The following SMOC1 variants were observed in gnomAD, a reference collection of about 807,000 sequenced individuals.
SMOC1 encodes the protein SPARC-related modular calcium-binding protein 1.
A neutral mutation model predicts 56.3 loss-of-function variants in SMOC1; 22 were observed. That is an observed-to-expected ratio of 0.39 (90% CI 0.28 to 0.56). The LOEUF (loss-of-function observed/expected upper bound fraction) is 0.56. Among genes scored for constraint, SMOC1 ranks in the 20% least tolerant of loss-of-function variants. The pLI, the probability that SMOC1 is intolerant of heterozygous loss-of-function variation, is 0.61. For missense variants in SMOC1, 509 were observed against 565.4 expected (o/e 0.90, Z 1.01); for synonymous variants, 193 against 215.0 (o/e 0.90, Z 0.89).
chr14:69,980,247 A>G (rs1884128432), intron 5 of SMOC1, among the ~76,000 whole-genome samples: 1 of 152,142 alleles, frequency 6.6e-6, no homozygotes, highest in Non-Finnish European at 1.5e-5. Context: ...GGGGATAGAA[A>G]CTGAAGCCTT....
chr14:69,974,074 A>C (rs1288761619), intron 3 of SMOC1, among the ~76,000 whole-genome samples: 1 of 152,218 alleles, frequency 6.6e-6, no homozygotes, highest in Admixed American at 6.5e-5. Flanking sequence ...AAATAGGATA[A>C]TGGATGCCTT....
intron 3 of SMOC1, among the ~76,000 whole-genome samples, chr14:69,971,346 C>G (rs986718392): frequency 3.3e-5 from 5 of 152,174 alleles, no homozygotes; most frequent in African/African-American, 1.2e-4. Context: ...TTCTACAGTA[C>G]AGTTGCAATA....
intron 5 of SMOC1, among the ~76,000 whole-genome samples, chr14:69,989,365 T>C (rs1884482860): frequency 6.6e-6 from 1 of 152,228 alleles, no homozygotes; most frequent in Admixed American, 6.5e-5. Context: ...AAATATGTTG[T>C]CCATATTTAA....
chr14:70,018,753 G>A (rs1386601902), intron 10 of SMOC1, among the ~76,000 whole-genome samples: 2 of 152,220 alleles, frequency 1.3e-5, no homozygotes, highest in African/African-American at 4.8e-5. Flanking sequence ...TGAGCCTCTT[G>A]GCCCTTCACG....
chr14:69,921,159 G>A (rs995586283), intron 1 of SMOC1, among the ~76,000 whole-genome samples: 22 of 152,262 alleles, frequency 1.4e-4, no homozygotes, highest in East Asian at 7.7e-4. Flanking sequence ...CCTGAGCATC[G>A]CCTCGGCTGT....
chr14:69,893,867 G>A (rs1018027157), intron 1 of SMOC1, among the ~76,000 whole-genome samples: 4 of 152,092 alleles, frequency 2.6e-5, no homozygotes, highest in Non-Finnish European at 5.9e-5. Context: ...AGTCTGTTAC[G>A]GTGGGCCCTT....
intron 1 of SMOC1, among the ~76,000 whole-genome samples, chr14:69,919,820 A>G (rs1027140061): frequency 6.6e-6 from 1 of 152,234 alleles, no homozygotes; most frequent in Non-Finnish European, 1.5e-5. Context: ...CAATTAGCCA[A>G]CATAATTTTG....
intron 7 of SMOC1, among the ~76,000 whole-genome samples, chr14:70,006,235 A>C (rs1215954243): frequency 6.6e-6 from 1 of 152,172 alleles, no homozygotes; most frequent in African/African-American, 2.4e-5. Flanking sequence ...ACCTTCTTCT[A>C]TTCAGTGAGG....
chr14:69,993,966 T>A (rs986700688), intron 6 of SMOC1, among the ~76,000 whole-genome samples: 9 of 152,184 alleles, frequency 5.9e-5, no homozygotes, highest in Non-Finnish European at 1.2e-4. Context: ...ACGCACTCCT[T>A]TCTTTCCCAC....
intron 10 of SMOC1, among the ~76,000 whole-genome samples, chr14:70,015,477 GAAGAAAA>G (rs1192345256): frequency 6.6e-6 from 1 of 151,748 alleles, no homozygotes; most frequent in Non-Finnish European, 1.5e-5. Flanking sequence ...AAAAACGAAA[GAAGAAAA>G]AAGAAAAAAG....
chr14:69,903,658 T>C (rs1322287342), intron 1 of SMOC1, among the ~76,000 whole-genome samples: 1 of 152,080 alleles, frequency 6.6e-6, no homozygotes, highest in African/African-American at 2.4e-5. Flanking sequence ...TTAAATGGAT[T>C]AAGGGCGGTG....
intron 1 of SMOC1, among the ~76,000 whole-genome samples, chr14:69,898,744 T>A (rs1323921835): frequency 6.6e-6 from 1 of 152,220 alleles, no homozygotes; most frequent in African/African-American, 2.4e-5. Flanking sequence ...TTTAAAAAAA[T>A]TCCTGATCTA....
chr14:69,975,654 A>T (rs1037616254), intron 3 of SMOC1, 61 bp from the exon 4 acceptor site: 12 of 1,202,398 alleles, frequency 1.0e-5, no homozygotes, highest in Non-Finnish European at 1.4e-5. Context: ...GGGGTTGGAG[A>T]TGAGTCTTGA....
chr14:69,950,761 TCTG>T (rs1342633045), intron 1 of SMOC1, among the ~76,000 whole-genome samples: 2 of 152,246 alleles, frequency 1.3e-5, no homozygotes, highest in African/African-American at 4.8e-5. Context: ...CCAACTGTAT[TCTG>T]TTGTTGTTAA....
intron 7 of SMOC1, among the ~76,000 whole-genome samples, chr14:70,005,892 C>T (rs1175078031): frequency 6.6e-6 from 1 of 152,190 alleles, no homozygotes; most frequent in South Asian, 2.1e-4. Flanking sequence ...CTCATAGATA[C>T]CTGGCCAGAC....
At chr14:69,975,862 C>A in intron 4 of SMOC1, 48 bp downstream of exon 4, 1 of 1,380,422 alleles carries the variant, frequency 7.2e-7, no homozygotes, top group South Asian at 1.2e-5. Flanking sequence ...GAGAGAGACC[C>A]GTTGGTTGGT....
At chr14:69,914,556 G>A (rs958839267) in intron 1 of SMOC1, among the ~76,000 whole-genome samples, 2 of 151,252 alleles carry the variant, frequency 1.3e-5, no homozygotes, top group South Asian at 2.1e-4. Flanking sequence ...ACGATCAGAA[G>A]TGGGAGACAC....
intron 6 of SMOC1, among the ~76,000 whole-genome samples, chr14:69,992,880 AAGG>A (rs1884614860): frequency 6.6e-6 from 1 of 152,126 alleles, no homozygotes. Context: ...GGGGGATGAA[AAGG>A]AGGTTTGGAG....
intron 1 of SMOC1, among the ~76,000 whole-genome samples, chr14:69,933,919 G>A (rs1306157248): frequency 6.6e-6 from 1 of 152,168 alleles, no homozygotes; most frequent in African/African-American, 2.4e-5. Context: ...GAAACCATGG[G>A]ATGCAGTTTA....
Sources: gnomAD v4.1 joint callset for allele counts (sites outside exome capture counted in the v4.1 genomes callset) on GRCh38, gnomAD v4.1.1 for gene constraint, MANE v1.5 for transcripts, NCBI Gene and HGNC (gene_info 2026-07-23, HGNC 2026-07-21) for gene names.